LUZP2: variants seen among roughly 807,000 people sequenced by gnomAD.
LUZP2 encodes leucine zipper protein 2.
A neutral mutation model predicts 51.6 loss-of-function variants in LUZP2; 52 were observed. That is an observed-to-expected ratio of 1.01 (90% confidence interval 0.81 to 1.27). The LOEUF (loss-of-function observed/expected upper bound fraction) is 1.27, where lower values mean the gene tolerates loss of function less well. Among genes scored for constraint, LUZP2 ranks in the 50% most tolerant of loss-of-function variants. The pLI, the probability that LUZP2 is intolerant of heterozygous loss-of-function variation, is 0.00. For synonymous variants in LUZP2, 154 were observed against 137.3 expected, an observed-to-expected ratio of 1.12 and a Z score of -0.85; for missense variants, 436 against 395.4, an observed-to-expected ratio of 1.10 and a Z score of -0.87.
intron 5 of LUZP2, among the ~76,000 whole-genome samples, chr11:24,879,324 G>T (rs1852378695): frequency 6.6e-6 from 1 of 152,104 alleles, no homozygotes; most frequent in African/African-American, 2.4e-5. Flanking sequence ...ATCATTGATT[G>T]GCATTTTAGT....
chr11:25,077,687 G>A (rs1437844833), intron 11 of LUZP2, among the ~76,000 whole-genome samples: 2 of 151,412 alleles, frequency 1.3e-5, no homozygotes, highest in Non-Finnish European at 2.9e-5. Context: ...TAGTAGAGAC[G>A]GGGTTTCACT....
At chr11:24,817,796 G>A (rs920392481) in intron 5 of LUZP2, among the ~76,000 whole-genome samples, 4 of 151,822 alleles carry the variant, frequency 2.6e-5, no homozygotes, top group African/African-American at 9.7e-5. Flanking sequence ...TCAGGAAATG[G>A]TATTACTAAG....
intron 5 of LUZP2, among the ~76,000 whole-genome samples, chr11:24,775,036 A>C (rs1001654578): frequency 4.0e-5 from 6 of 151,650 alleles, no homozygotes; most frequent in Non-Finnish European, 8.8e-5. Context: ...AAATACAATA[A>C]TAATTTCTAA....
chr11:24,666,376 G>GA (rs955753045), intron 1 of LUZP2, among the ~76,000 whole-genome samples: 22 of 151,578 alleles, frequency 1.5e-4, no homozygotes, highest in African/African-American at 3.4e-4. Context: ...ATTTTATAAG[G>GA]AAAAAAAATG....
At chr11:24,752,269 T>A (rs1333586913) in intron 4 of LUZP2, among the ~76,000 whole-genome samples, 1 of 152,112 alleles carries the variant, frequency 6.6e-6, no homozygotes, top group Non-Finnish European at 1.5e-5. Flanking sequence ...AGGGCAATAA[T>A]CAGATAGATA....
In LUZP2 at chr11:24,848,293, T is replaced by A. The variant is rs1043619127; in HGVS notation, c.397-57698T>A. On this transcript the variant is annotated intron_variant, in intron 5 of 11. Transcript: ENST00000336930. ...CTCCTTAGAGATATTTCTAGTGATT[T>A]CACTTTTCACATTTATAGATCCCAT... Among the ~76,000 whole-genome samples the A allele has an allele frequency of 3.9e-5, 6 of 152,322 alleles. No individual in the cohort carries two copies. The East Asian group carries it at 9.6e-4, about 24-fold the overall frequency.
chr11:24,562,582 G>A lies in LUZP2; in HGVS notation c.62+65277G>A, dbSNP rs1212395492. On this transcript the variant is annotated intron_variant, in intron 1 of 11. Coordinates refer to ENST00000336930, the MANE Select transcript of LUZP2 (RefSeq NM_001009909.4). ...TAAAGAAAGGTTATAGGCCGGGCGCGGTGGCTCATGTCTGTAATCCCAGCA... is the reference window on the plus strand; with the variant it reads ...TAAAGAAAGGTTATAGGCCGGGCGCAGTGGCTCATGTCTGTAATCCCAGCA... Among the ~76,000 whole-genome samples the A allele has an allele frequency of 4.0e-5, 6 of 151,868 alleles. No individual in the cohort carries two copies. The South Asian group carries it at 6.3e-4, about 16-fold the overall frequency.
chr11:24,920,130 A>G (rs1478898509), intron 7 of LUZP2, among the ~76,000 whole-genome samples: 1 of 151,916 alleles, frequency 6.6e-6, no homozygotes, highest in Non-Finnish European at 1.5e-5. Flanking sequence ...AATGTTTACA[A>G]TACTCCCAAG....
intron 5 of LUZP2, among the ~76,000 whole-genome samples, chr11:24,851,404 T>A (rs1400503231): frequency 6.6e-6 from 1 of 152,172 alleles, no homozygotes; most frequent in Non-Finnish European, 1.5e-5. Context: ...ATGGATTACG[T>A]TTATTGATTT....
At chr11:24,931,258 A>ATAAAC (rs1854443155) in intron 7 of LUZP2, among the ~76,000 whole-genome samples, 1 of 103,406 alleles carries the variant, frequency 9.7e-6, no homozygotes, top group Non-Finnish European at 2.3e-5. Flanking sequence ...ATAAAATAAA[A>ATAAAC]TAAAATAAAA....
At chr11:24,614,328 A>G (rs1437697393) in intron 1 of LUZP2, among the ~76,000 whole-genome samples, 1 of 151,902 alleles carries the variant, frequency 6.6e-6, no homozygotes, top group Non-Finnish European at 1.5e-5. Context: ...TATGATTCAA[A>G]CTATAACCAT....
At chr11:24,905,284 G>T (rs1209438984) in intron 5 of LUZP2, among the ~76,000 whole-genome samples, 1 of 152,168 alleles carries the variant, frequency 6.6e-6, no homozygotes, top group Non-Finnish European at 1.5e-5. Context: ...CCAGCACTTT[G>T]TGAGGCCGAG....
At chr11:24,689,372 A>G (rs979048314) in intron 1 of LUZP2, among the ~76,000 whole-genome samples, 10 of 152,138 alleles carry the variant, frequency 6.6e-5, no homozygotes, top group African/African-American at 2.4e-4. Flanking sequence ...CCAATTGAGC[A>G]TTCTCAGAGA....
At chr11:24,871,906 G>C (rs1852088644) in intron 5 of LUZP2, among the ~76,000 whole-genome samples, 1 of 152,056 alleles carries the variant, frequency 6.6e-6, no homozygotes, top group Admixed American at 6.6e-5. Flanking sequence ...AGTATACAGT[G>C]ATGTCTGCAT....
At chr11:24,682,599 T>C (rs12575435) in intron 1 of LUZP2, among the ~76,000 whole-genome samples, 16 of 105,878 alleles carry the variant, frequency 1.5e-4, no homozygotes, top group East Asian at 7.7e-4. Context: ...TGTGTGTGTG[T>C]ATATATATGT....
chr11:24,994,467 A>G (rs1590812968), intron 9 of LUZP2, among the ~76,000 whole-genome samples: 1 of 152,164 alleles, frequency 6.6e-6, no homozygotes, highest in Non-Finnish European at 1.5e-5. Context: ...TGGACTCTCA[A>G]TTCAGTTCCA....
intron 6 of LUZP2, among the ~76,000 whole-genome samples, chr11:24,909,252 T>C (rs1334439843): frequency 6.6e-6 from 1 of 151,968 alleles, no homozygotes; most frequent in African/African-American, 2.4e-5. Flanking sequence ...CATTGAATAA[T>C]TGATGTTTTG....
chr11:24,981,975 G>C (rs961792716), intron 8 of LUZP2, among the ~76,000 whole-genome samples: 36 of 151,804 alleles, frequency 2.4e-4, no homozygotes, highest in Non-Finnish European at 4.1e-4. Flanking sequence ...CTTTTCAAAA[G>C]AAGACACACA....
At chr11:24,555,097 G>A (rs1157459036) in intron 1 of LUZP2, among the ~76,000 whole-genome samples, 12 of 152,032 alleles carry the variant, frequency 7.9e-5, no homozygotes, top group South Asian at 2.1e-4. Flanking sequence ...ACCCAAAACC[G>A]AGCCCAGTCA....
Sources: gnomAD v4.1 joint callset for allele counts (sites outside exome capture counted in the v4.1 genomes callset) on GRCh38, gnomAD v4.1.1 for gene constraint, MANE v1.5 for transcripts, NCBI Gene and HGNC (gene_info 2026-07-23, HGNC 2026-07-21) for gene names.